The following MYO3B variants were observed in gnomAD, a reference collection of about 807,000 sequenced individuals.
The protein encoded by MYO3B is myosin-IIIb.
In MYO3B, 156 loss-of-function variants were observed where a neutral mutation model predicts 174.6. The observed-to-expected ratio is 0.89, with a 90% CI of 0.78 to 1.02. MYO3B has a LOEUF of 1.02. Among genes scored for constraint, MYO3B ranks in the 50% least tolerant of loss-of-function variants. The pLI, the probability that MYO3B is intolerant of heterozygous loss-of-function variation, is 0.00. For synonymous variants in MYO3B, 563 were observed against 569.1 expected, an observed-to-expected ratio of 0.99 and a Z score of 0.15; for missense variants, 1,632 against 1,639.4, an observed-to-expected ratio of 1.00 and a Z score of 0.08.
At chr2:170,419,508 A>G (rs970730890) in intron 22 of MYO3B, among the ~76,000 whole-genome samples, 8 of 152,212 alleles carry the variant, frequency 5.3e-5, no homozygotes, top group African/African-American at 1.9e-4. Flanking sequence ...ATACAGTCAC[A>G]TTCTGAAGTA....
chr2:170,427,285 A>G (rs1299051238), intron 22 of MYO3B, among the ~76,000 whole-genome samples: 2 of 152,214 alleles, frequency 1.3e-5, no homozygotes, highest in East Asian at 1.9e-4. Flanking sequence ...AAAAAAAATC[A>G]GTAATTGCAT....
chr2:170,585,565 G>C (rs1229454433), intron 32 of MYO3B, among the ~76,000 whole-genome samples: 1 of 152,102 alleles, frequency 6.6e-6, no homozygotes. Context: ...ACTAGGCACA[G>C]GTACTTTCTT....
chr2:170,235,844 G>A (rs2093063658), intron 6 of MYO3B, 147 bp from the exon 7 acceptor site: 5 of 885,546 alleles, frequency 5.6e-6, no homozygotes, highest in African/African-American at 5.1e-5. Flanking sequence ...CACAAATAAG[G>A]CCTAGAATGC....
chr2:170,493,759 C>T (rs745761543), intron 25 of MYO3B, among the ~76,000 whole-genome samples: 30 of 152,170 alleles, frequency 2.0e-4, no homozygotes, highest in Non-Finnish European at 3.4e-4. Context: ...AACCCCAACC[C>T]CAAGACGCTT....
intron 5 of MYO3B, among the ~76,000 whole-genome samples, chr2:170,215,445 T>G (rs950381948): frequency 6.6e-6 from 1 of 152,084 alleles, no homozygotes; most frequent in African/African-American, 2.4e-5. Context: ...CAACAAACCA[T>G]TTGGTTTTTT....
chr2:170,616,843 A>G (rs1695500825), intron 32 of MYO3B, among the ~76,000 whole-genome samples: 1 of 152,206 alleles, frequency 6.6e-6, no homozygotes, highest in Non-Finnish European at 1.5e-5. Flanking sequence ...TAGTTTGCTT[A>G]TGTCTAAAGC....
At chr2:170,490,565 C>T (rs1432658777) in intron 25 of MYO3B, among the ~76,000 whole-genome samples, 1 of 151,558 alleles carries the variant, frequency 6.6e-6, no homozygotes, top group Non-Finnish European at 1.5e-5. Context: ...GATAGGACGT[C>T]TGGTACAATG....
intron 32 of MYO3B, among the ~76,000 whole-genome samples, chr2:170,606,080 T>C (rs6754047): frequency 0.071 from 10,828 of 152,240 alleles, 1,193 homozygotes; most frequent in African/African-American, 0.24. Context: ...GCCTCCTCAC[T>C]GGTCCCCTCA....
At chr2:170,446,855 A>T (rs1016852196) in intron 23 of MYO3B, among the ~76,000 whole-genome samples, 1 of 152,208 alleles carries the variant, frequency 6.6e-6, no homozygotes, top group Admixed American at 6.5e-5. Flanking sequence ...AGATATGAAG[A>T]CCCAAAGAAA....
chr2:170,447,786 G>C (rs893723162), intron 23 of MYO3B, among the ~76,000 whole-genome samples: 1 of 152,218 alleles, frequency 6.6e-6, no homozygotes, highest in Non-Finnish European at 1.5e-5. Flanking sequence ...GAGTAGTCAA[G>C]GATTGGAGTT....
intron 3 of MYO3B, among the ~76,000 whole-genome samples, chr2:170,204,835 A>G (rs2092698613): frequency 6.6e-6 from 1 of 152,146 alleles, no homozygotes; most frequent in African/African-American, 2.4e-5. Context: ...TAAAGGGATT[A>G]TTTTACTTGG....
At chr2:170,617,368 A>G (rs955494269) in intron 32 of MYO3B, among the ~76,000 whole-genome samples, 1 of 152,238 alleles carries the variant, frequency 6.6e-6, no homozygotes, top group Non-Finnish European at 1.5e-5. Context: ...AGGATGAGTC[A>G]ATACAAGTAT....
At chr2:170,645,835 A>C (rs1421778686) in intron 32 of MYO3B, among the ~76,000 whole-genome samples, 5 of 152,178 alleles carry the variant, frequency 3.3e-5, no homozygotes, top group Admixed American at 6.6e-5. Flanking sequence ...TTCTTTTTCC[A>C]AGTTTTGAAT....
chr2:170,235,359 C>G (rs2093058653), intron 6 of MYO3B, among the ~76,000 whole-genome samples: 1 of 152,220 alleles, frequency 6.6e-6, no homozygotes, highest in Admixed American at 6.5e-5. Context: ...AACCCAATGA[C>G]AAGCCCAGGG....
chr2:170,199,172 G>C (rs2105335252), intron 1 of MYO3B, 36 bp from the exon 2 acceptor site: 1 of 1,452,496 alleles, frequency 6.9e-7, no homozygotes, highest in Non-Finnish European at 9.2e-7. Context: ...CCAGTTCTGT[G>C]ATCTGTTGCA....
chr2:170,400,897 C>T (rs1000892178), intron 17 of MYO3B, among the ~76,000 whole-genome samples: 3 of 151,562 alleles, frequency 2.0e-5, no homozygotes, highest in Non-Finnish European at 2.9e-5. Context: ...GTGGCGCTAT[C>T]TCGGCTCACT....
chr2:170,465,851 C>T (rs1013662844), intron 24 of MYO3B, among the ~76,000 whole-genome samples: 1 of 152,122 alleles, frequency 6.6e-6, no homozygotes, highest in Non-Finnish European at 1.5e-5. Context: ...TGAAGGTGAG[C>T]CCAGAAGAGC....
At chr2:170,531,831 C>T (rs74480635) in intron 30 of MYO3B, among the ~76,000 whole-genome samples, 3,008 of 152,030 alleles carry the variant, frequency 0.02, 90 homozygotes, top group African/African-American at 0.068. Context: ...CTCTGACTTA[C>T]AATAAAATAT....
chr2:170,551,495 A>G lies in MYO3B; in HGVS notation c.3733+7507A>G, dbSNP rs78453777. Among the ~76,000 whole-genome samples, 834 of 137,638 alleles carry G rather than the reference A, an allele frequency of 6.1e-3. 8 individuals carry two copies. The highest frequency in any genetic ancestry group is 0.022 in the African/African-American group (789 of 36,326). 90.3% of individuals were successfully genotyped at this position (137,638 alleles called of 152,430 possible). A position where few individuals can be genotyped will look rare whatever the true frequency, so the allele number is the denominator to read the frequency against. On this transcript the variant is annotated intron_variant, in intron 32 of 34. Coordinates refer to ENST00000408978, the MANE Select transcript of MYO3B (RefSeq NM_138995.5). ...ATGTGATTCGTTCTTACATATTTCT[A>G]ATACATATGTCATTGCCATAATGTT...
Sources: gnomAD v4.1 joint callset for allele counts (sites outside exome capture counted in the v4.1 genomes callset) on GRCh38, gnomAD v4.1.1 for gene constraint, MANE v1.5 for transcripts, NCBI Gene and HGNC (gene_info 2026-07-23, HGNC 2026-07-21) for gene names.